TNRC6C: variants seen among roughly 807,000 people sequenced by gnomAD.
TNRC6C encodes trinucleotide repeat containing adaptor 6C, also known as trinucleotide repeat-containing gene 6C protein.
TNRC6C carries 20 observed loss-of-function variants against 153.7 expected under a neutral mutation model. That is an observed-to-expected ratio of 0.13 (90% CI 0.09 to 0.19). The LOEUF is 0.19. TNRC6C is among the 10% of genes least tolerant of loss of function. The pLI is 1.00. For synonymous variants in TNRC6C, 811 were observed against 841.4 expected (o/e 0.96, Z 0.63); for missense variants, 1,987 against 2,172.0 (o/e 0.91, Z 1.69).
chr17:78,086,454 A>G, intron 11 of TNRC6C, 49 bp from the exon 14 acceptor site: 2 of 1,550,414 alleles, frequency 1.3e-6, no homozygotes, highest in African/African-American at 1.4e-5. Flanking sequence ...CCATTAGTTC[A>G]ACTTACACTT....
intron 1 of TNRC6C, among the ~76,000 whole-genome samples, chr17:78,017,832 T>G (rs562807253): frequency 1.3e-3 from 191 of 152,260 alleles, no homozygotes; most frequent in African/African-American, 4.3e-3. Flanking sequence ...TCTAGGCTGG[T>G]GGGAGTGAGT....
intron 4 of TNRC6C, among the ~76,000 whole-genome samples, chr17:78,065,642 ACAG>A (rs1407856872): frequency 6.6e-6 from 1 of 152,184 alleles, no homozygotes; most frequent in African/African-American, 2.4e-5. Flanking sequence ...GTATTACCTC[ACAG>A]CAGCCTAACG....
chr17:78,082,424 G>A (rs950342975), intron 10 of TNRC6C, among the ~76,000 whole-genome samples: 3 of 152,098 alleles, frequency 2.0e-5, no homozygotes, highest in Admixed American at 2.0e-4. Flanking sequence ...GTTTCTAACA[G>A]AGCCTTAAAA....
At chr17:78,007,709 GAGTTGGATACTCTTAAGAGAGAAGCTGC>G (rs1410950235) in intron 1 of TNRC6C, among the ~76,000 whole-genome samples, 1 of 152,220 alleles carries the variant, frequency 6.6e-6, no homozygotes, top group Non-Finnish European at 1.5e-5. Flanking sequence ...GAGAGTCCGA[GAGTTGGATACTCTTAAGAGAGAAGCTGC>G]AGTTATAAAT....
In TNRC6C at chr17:77,973,513, T is replaced by C. The variant is rs60499157; in HGVS notation, c.-38+14245T>C. ...TATGTAGTCAGGTAAGGGAAAGTAA[T>C]AAAAGGCACCTGGATTAGAAAGGAA... On this transcript the variant is annotated intron_variant, in intron 1 of 22. Transcript: ENST00000636222. Among the ~76,000 whole-genome samples, 28 of 152,238 alleles carry C rather than the reference T, an allele frequency of 1.8e-4. No individual in the cohort carries two copies. The East Asian group carries it at 2.1e-3, about 12-fold the overall frequency.
At chr17:78,090,632 C>T (rs1328978758) in intron 13 of TNRC6C, among the ~76,000 whole-genome samples, 1 of 152,220 alleles carries the variant, frequency 6.6e-6, no homozygotes, top group African/African-American at 2.4e-5. Flanking sequence ...TTTTCATTGT[C>T]CTCCTCATCA....
chr17:78,066,546 A>G (rs528106431), intron 4 of TNRC6C: 6 of 152,310 alleles, frequency 3.9e-5, no homozygotes, highest in African/African-American at 1.2e-4. Flanking sequence ...TTATGTGCCT[A>G]TTCCATATGT....
Position 78,104,697 on chromosome 17 carries a change from G to A in TNRC6C, c.4925G>A (p.Gly1642Glu). 1 of 1,540,472 alleles carries A rather than the reference G, an allele frequency of 6.5e-7. No individual in the cohort carries two copies. The highest frequency in any genetic ancestry group is 8.7e-7 in the Non-Finnish European group (1 of 1,145,884). ...AACGCCCCGTGCCTGGGTGGCAAGG[G>A]GAGCAGTGAGCTGCTGTGGGGCGGG... Residue 1642 changes from glycine (G) to glutamate (E), a missense_variant, in exon 20 of 20, where the codon GGG becomes GAG. Transcript: ENST00000301624. This position sits in a 1 kb window ranked among gnomAD's most constrained non-coding sequence, Gnocchi z 6.2.
intron 14 of TNRC6C, among the ~76,000 whole-genome samples, chr17:78,092,598 G>C (rs1455558519): frequency 6.6e-6 from 1 of 152,158 alleles, no homozygotes; most frequent in Non-Finnish European, 1.5e-5. Context: ...AACAGTCACT[G>C]GCCAGGCATG....
chr17:78,076,207 C>T (rs890804966), intron 8 of TNRC6C, among the ~76,000 whole-genome samples: 2 of 148,860 alleles, frequency 1.3e-5, no homozygotes, highest in African/African-American at 5.0e-5. Flanking sequence ...GAGAGCGATA[C>T]TCTGTCTCAA....
At chr17:78,033,530 A>G (rs1365574214) in intron 2 of TNRC6C, among the ~76,000 whole-genome samples, 3 of 152,122 alleles carry the variant, frequency 2.0e-5, no homozygotes, top group African/African-American at 7.2e-5. Flanking sequence ...TTAGCTGGGC[A>G]TGTTGGCACA....
At chr17:78,014,348 T>A (rs2071690642) in intron 1 of TNRC6C, among the ~76,000 whole-genome samples, 2 of 152,178 alleles carry the variant, frequency 1.3e-5, no homozygotes, top group African/African-American at 4.8e-5. Flanking sequence ...TTATGATCAA[T>A]GTTACATATG....
At chr17:77,975,327 A>C (rs147990031) in intron 1 of TNRC6C, among the ~76,000 whole-genome samples, 1 of 152,290 alleles carries the variant, frequency 6.6e-6, no homozygotes, top group African/African-American at 2.4e-5. Flanking sequence ...TGATATACAT[A>C]TATATCTGTG....
intron 5 of TNRC6C, among the ~76,000 whole-genome samples, chr17:78,069,210 A>T (rs993352823): frequency 1.5e-4 from 18 of 120,244 alleles, no homozygotes; most frequent in East Asian, 1.4e-3. Context: ...AAACTGATTT[A>T]AAAAAAAAAT....
intron 2 of TNRC6C, among the ~76,000 whole-genome samples, chr17:78,046,783 T>C (rs1166089625): frequency 6.6e-6 from 1 of 152,238 alleles, no homozygotes; most frequent in East Asian, 1.9e-4. Context: ...TTTCATTTCA[T>C]GTGGCTAGAC....
At chr17:78,000,252 G>A (rs1230052637), upstream of TNRC6C, among the ~76,000 whole-genome samples, 2 of 152,104 alleles carry the variant, frequency 1.3e-5, no homozygotes, top group African/African-American at 4.8e-5. Flanking sequence ...TCTCTATTCT[G>A]TTTCTTTCCA....
chr17:78,022,687 TC>T (rs966954623), intron 1 of TNRC6C, among the ~76,000 whole-genome samples: 1 of 152,198 alleles, frequency 6.6e-6, no homozygotes, highest in African/African-American at 2.4e-5. Flanking sequence ...CCTAATTGTT[TC>T]CATCAGGTTT....
chr17:78,018,190 A>G (rs2071765221), intron 1 of TNRC6C, among the ~76,000 whole-genome samples: 1 of 152,058 alleles, frequency 6.6e-6, no homozygotes, highest in African/African-American at 2.4e-5. Flanking sequence ...GCAGTGGCGC[A>G]GTCTCGGCTC....
chr17:78,000,457 G>T (rs1210803103), upstream of TNRC6C, among the ~76,000 whole-genome samples: 1 of 152,094 alleles, frequency 6.6e-6, no homozygotes, highest in African/African-American at 2.4e-5. Flanking sequence ...TATGACAACT[G>T]CATAGCCTAC....
Sources: allele counts gnomAD v4.1 joint callset (sites outside exome capture counted in the v4.1 genomes callset), GRCh38; gene constraint gnomAD v4.1.1; non-coding constraint Gnocchi (gnomAD v3.1); transcripts MANE v1.5; gene names NCBI Gene and HGNC (gene_info 2026-07-23, HGNC 2026-07-21).